Variants in PREX2 observed in about 807,000 individuals in gnomAD.
PREX2 encodes the protein phosphatidylinositol-3,4,5-trisphosphate dependent Rac exchange factor 2.
PREX2 carries 107 observed loss-of-function variants against 203.2 expected under a neutral mutation model. The observed-to-expected ratio is 0.53, with a 90% CI of 0.45 to 0.62. The LOEUF (loss-of-function observed/expected upper bound fraction) is 0.62. Ranked by LOEUF, PREX2 falls within the 20% of genes least tolerant of loss-of-function variation. The pLI, the probability that PREX2 is intolerant of heterozygous loss-of-function variation, is 0.00. For missense variants in PREX2, 1,777 were observed against 1,955.9 expected (o/e 0.91, Z 1.72); for synonymous variants, 672 against 663.6 (o/e 1.01, Z -0.19).
intron 1 of PREX2, among the ~76,000 whole-genome samples, chr8:67,982,488 G>A (rs1806302178): frequency 6.6e-6 from 1 of 152,094 alleles, no homozygotes; most frequent in Non-Finnish European, 1.5e-5. Flanking sequence ...GTAATACCTG[G>A]ATTCCCCCTC....
chr8:67,987,181 A>C (rs1383246441), intron 1 of PREX2, among the ~76,000 whole-genome samples: 1 of 120,014 alleles, frequency 8.3e-6, no homozygotes, highest in Non-Finnish European at 1.8e-5. Context: ...AAAAAAAAGA[A>C]CACCACTAAC....
chr8:68,120,271 G>A lies in PREX2; in HGVS notation c.3580G>A (p.Gly1194Ser). The change falls in exon 29 of 40, where the codon GGC (glycine) becomes AGC (serine). Residue 1194 changes from glycine to serine, a missense_variant. Transcript: ENST00000288368. The stretch of plus-strand genomic sequence containing the variant: ...TGACCAAACCAAGTATCTCACTCCA[G>A]GCCGAGGATTGCAAGGTAAGCCTTG... ...AFDQTKYLTP[G>S]RGLQEFQQEM... The A allele has an allele frequency of 6.2e-7, 1 of 1,613,436 alleles. No individual in the cohort carries two copies. The highest frequency in any genetic ancestry group is 1.1e-5 in the South Asian group (1 of 91,062).
intron 23 of PREX2, among the ~76,000 whole-genome samples, chr8:68,106,876 A>C (rs1810424513): frequency 6.6e-6 from 1 of 152,186 alleles, no homozygotes; most frequent in Non-Finnish European, 1.5e-5. Context: ...CGAAGAATGC[A>C]AAAAAGACAC....
chr8:68,171,156 A>G (rs1677743127), intron 35 of PREX2, among the ~76,000 whole-genome samples: 2 of 152,212 alleles, frequency 1.3e-5, no homozygotes, highest in Non-Finnish European at 2.9e-5. Flanking sequence ...GATTTGGCAT[A>G]TCTGAATGTA....
At chr8:68,159,152 A>T (rs1242687432) in intron 35 of PREX2, among the ~76,000 whole-genome samples, 1 of 152,188 alleles carries the variant, frequency 6.6e-6, no homozygotes, top group Admixed American at 6.5e-5. Flanking sequence ...CATAGCTGGG[A>T]AGTAATTCAA....
intron 2 of PREX2, among the ~76,000 whole-genome samples, chr8:68,019,031 GAGA>G (rs1192175058): frequency 7.9e-5 from 12 of 152,170 alleles, no homozygotes; most frequent in Non-Finnish European, 1.3e-4. Context: ...CCAGACAGAG[GAGA>G]AGGTTTAGCA....
At chr8:67,996,199 T>G (rs1046285945) in intron 1 of PREX2, among the ~76,000 whole-genome samples, 2 of 152,068 alleles carry the variant, frequency 1.3e-5, no homozygotes, top group Non-Finnish European at 2.9e-5. Context: ...TATTAATTTT[T>G]TATTTATTTT....
In PREX2 at chr8:67,952,401, G is replaced by A. The variant is rs371341697; in HGVS notation, c.7G>A (p.Glu3Lys). The change falls in exon 1 of 40, where the codon GAG becomes AAG. Residue 3 changes from glutamate (E) to lysine (K), a missense_variant. Transcript: ENST00000288368. MS[E>K]DSRGDSRAES... is the part of the protein sequence containing the mutation. Reference sequence around the variant, plus strand: ...CTGCGCACCGCCGCCGACCATGAGCGAGGACAGCCGCGGAGACAGCCGCGC... The same window carrying A: ...CTGCGCACCGCCGCCGACCATGAGCAAGGACAGCCGCGGAGACAGCCGCGC... The A allele has an allele frequency of 6.4e-7, 1 of 1,553,526 alleles. No individual in the cohort carries two copies. The highest frequency in any genetic ancestry group is 1.2e-5 in the South Asian group (1 of 83,764).
intron 23 of PREX2, among the ~76,000 whole-genome samples, chr8:68,102,141 T>C (rs537951832): frequency 6.6e-6 from 1 of 152,300 alleles, no homozygotes; most frequent in Non-Finnish European, 1.5e-5. Flanking sequence ...CTCTTTTATG[T>C]ACATTATTGT....
At chr8:67,977,203 C>G (rs1337067760) in intron 1 of PREX2, among the ~76,000 whole-genome samples, 3 of 152,132 alleles carry the variant, frequency 2.0e-5, no homozygotes, top group East Asian at 3.9e-4. Flanking sequence ...GCTCTCTCCC[C>G]GTCTTTCATT....
chr8:68,001,551 C>T (rs1317379142), intron 1 of PREX2, among the ~76,000 whole-genome samples: 1 of 152,122 alleles, frequency 6.6e-6, no homozygotes, highest in East Asian at 1.9e-4. Flanking sequence ...CCTCAAAGAG[C>T]TAAAAACACA....
At chr8:68,127,653 C>A (rs996887493) in intron 31 of PREX2, among the ~76,000 whole-genome samples, 5 of 150,978 alleles carry the variant, frequency 3.3e-5, no homozygotes, top group Non-Finnish European at 7.4e-5. Flanking sequence ...CTCTTATAAG[C>A]AAAACCATGA....
intron 11 of PREX2, among the ~76,000 whole-genome samples, chr8:68,064,102 G>A (rs879458612): frequency 3.3e-5 from 5 of 152,112 alleles, no homozygotes; most frequent in African/African-American, 9.7e-5. Context: ...AGAAAGCAGC[G>A]TATGCTTTCT....
intron 37 of PREX2, among the ~76,000 whole-genome samples, chr8:68,206,850 C>T (rs796371155): frequency 3.9e-5 from 6 of 152,160 alleles, no homozygotes; most frequent in African/African-American, 7.2e-5. Context: ...ACAGTGGAGC[C>T]GCATTGGGAA....
intron 35 of PREX2, among the ~76,000 whole-genome samples, chr8:68,186,088 A>AC (rs1812183379): frequency 8.1e-6 from 1 of 122,888 alleles, no homozygotes; most frequent in African/African-American, 3.3e-5. Context: ...AAAGATACTG[A>AC]AGTTCTTCAG....
intron 1 of PREX2, among the ~76,000 whole-genome samples, chr8:67,961,075 T>TA (rs1260229532): frequency 6.6e-6 from 1 of 151,300 alleles, no homozygotes; most frequent in African/African-American, 2.4e-5. Context: ...ATTAGCCATG[T>TA]AAAAAAAAGA....
rs115171696 is a variant in PREX2, at chr8:68,204,630, T to C, written c.4604+12105T>C. Among the ~76,000 whole-genome samples the C allele has an allele frequency of 5.6e-3, 856 of 152,002 alleles. 9 individuals are homozygous for C. The highest frequency in any genetic ancestry group is 0.018 in the African/African-American group (749 of 41,464). On this transcript the variant is annotated intron_variant, in intron 37 of 39. Coordinates refer to ENST00000288368, the MANE Select transcript of PREX2 (RefSeq NM_024870.4). ...GTTCAGTTGTTTTCCACAGGGCTAC[T>C]TTCTGCCTGCTTTCCCTCTGCTTTC...
chr8:67,973,833 A>G (rs7824184), intron 1 of PREX2, among the ~76,000 whole-genome samples: 19,138 of 152,218 alleles, frequency 0.13, 1,462 homozygotes, highest in African/African-American at 0.22. Context: ...TAGTAGCCCC[A>G]GAACACATGG....
chr8:68,120,943 A>G lies in PREX2; in HGVS notation c.3618A>G (p.Pro1206=), dbSNP rs1370691730. 1 of 1,613,166 alleles carries G rather than the reference A, an allele frequency of 6.2e-7. No individual in the cohort carries two copies. Among genetic ancestry groups the G allele is most frequent in the South Asian group, 1.1e-5 (1 of 90,882 alleles). The change falls in exon 30 of 40, where the codon CCA becomes CCG. Residue 1206 remains proline, a synonymous_variant. Coordinates refer to ENST00000288368, the MANE Select transcript of PREX2 (RefSeq NM_024870.4). ...GLQEFQQEME[P]KLSCPKRLRL... ...TAGAATTTCAACAGGAAATGGAACC[A>G]AAGCTGAGTTGTCCAAAAAGGCTAC... is the stretch of plus-strand genomic sequence containing the variant.
Sources: allele counts gnomAD v4.1 joint callset (sites outside exome capture counted in the v4.1 genomes callset), GRCh38; gene constraint gnomAD v4.1.1; transcripts MANE v1.5; gene names NCBI Gene and HGNC (gene_info 2026-07-23, HGNC 2026-07-21).